The following MGAT4C variants were observed in gnomAD, a reference collection of about 807,000 sequenced individuals.
The protein encoded by MGAT4C is MGAT4 family member C, also known as alpha-1,3-mannosyl-glycoprotein 4-beta-N-acetylglucosaminyltransferase C.
MGAT4C carries 19 observed loss-of-function variants against 40.1 expected under a neutral mutation model. The ratio of observed to expected loss-of-function variants is 0.47; its 90% CI spans 0.33 to 0.70. The LOEUF (loss-of-function observed/expected upper bound fraction) is 0.70, where lower values mean the gene tolerates loss of function less well. Ranked by LOEUF, MGAT4C falls within the 30% of genes least tolerant of loss-of-function variation. MGAT4C has a pLI of 0.02. For missense variants in MGAT4C, 491 were observed against 563.2 expected (o/e 0.87, Z 1.30); for synonymous variants, 181 against 187.1 (o/e 0.97, Z 0.27).
rs1168173775 is a variant in MGAT4C at position 85,974,030 on chromosome 12, G to C, written c.*5259C>G. On this transcript the variant is annotated 3_prime_UTR_variant, in exon 5 of 5. Transcript: ENST00000611864. ...TAGAACTTTGGGAAAGTGCAACCTT[G>C]TTATCTTAATATTTTTATAGCTTAG... 1 of 150,792 alleles carries C rather than the reference G, an allele frequency of 6.6e-6. No individual in the cohort carries two copies. Among genetic ancestry groups the C allele is most frequent in the East Asian group, 1.9e-4 (1 of 5,192 alleles). The allele number at this position is 150,792 out of a possible 1,614,324, so 9.3% of individuals were successfully genotyped here. A position where few individuals can be genotyped will look rare whatever the true frequency, so the allele number is the denominator to read the frequency against.
At chr12:86,388,939 C>G (rs1319132849) in intron 3 of MGAT4C, among the ~76,000 whole-genome samples, 1 of 152,064 alleles carries the variant, frequency 6.6e-6, no homozygotes, top group Non-Finnish European at 1.5e-5. Flanking sequence ...TTGCCTCGGC[C>G]TCCCAAAGTG....
chr12:86,114,558 G>A (rs1228402814), intron 1 of MGAT4C, among the ~76,000 whole-genome samples: 1 of 151,158 alleles, frequency 6.6e-6, no homozygotes, highest in African/African-American at 2.4e-5. Flanking sequence ...TCATTAATTA[G>A]GCATTTATAA....
At chr12:86,343,916 C>T (rs1413866472) in intron 3 of MGAT4C, among the ~76,000 whole-genome samples, 1 of 151,908 alleles carries the variant, frequency 6.6e-6, no homozygotes, top group African/African-American at 2.4e-5. Flanking sequence ...GAGTGCACGC[C>T]TGCTGTTTGG....
intron 2 of MGAT4C, among the ~76,000 whole-genome samples, chr12:86,047,222 A>G (rs1592774451): frequency 6.6e-6 from 1 of 152,188 alleles, no homozygotes; most frequent in East Asian, 1.9e-4. Context: ...AATCACTATA[A>G]TTTTTTCTTC....
intron 1 of MGAT4C, among the ~76,000 whole-genome samples, chr12:86,832,290 A>ATAAT: frequency 6.6e-6 from 1 of 151,936 alleles, no homozygotes; most frequent in South Asian, 2.1e-4. Flanking sequence ...CTTATTCATT[A>ATAAT]TTTCTCTACA....
At chr12:86,257,359 G>A (rs900921733), upstream of MGAT4C, among the ~76,000 whole-genome samples, 2 of 152,144 alleles carry the variant, frequency 1.3e-5, no homozygotes, top group Non-Finnish European at 2.9e-5. Flanking sequence ...GCTGTCAACC[G>A]CATAACTGTG....
chr12:86,657,266 TG>T (rs1963874660), intron 2 of MGAT4C, among the ~76,000 whole-genome samples: 1 of 151,858 alleles, frequency 6.6e-6, no homozygotes, highest in Non-Finnish European at 1.5e-5. Context: ...ACAATGTAAG[TG>T]GGGCAAAAAG....
At position 86,633,913 on chromosome 12, in the gene MGAT4C, G is replaced by GT. The variant is rs913742409; in HGVS notation, c.-229+93295dup. On this transcript the variant is annotated intron_variant, in intron 2 of 7. Coordinates refer to the MGAT4C transcript ENST00000548651. ...GTGTAAATTACTTTATTTTGCTCGA[G>GT]TTTTTTTTTTATTATCGCAATGGGC... 5.3e-4 allele frequency among the ~76,000 whole-genome samples: 79 copies of GT among 148,416 alleles called. 1 individual carries two copies. Among genetic ancestry groups the GT allele is most frequent in the African/African-American group, 9.8e-4 (40 of 40,622 alleles).
chr12:85,999,527 C>T (rs1238926650), intron 2 of MGAT4C, among the ~76,000 whole-genome samples: 1 of 149,954 alleles, frequency 6.7e-6, no homozygotes, highest in Non-Finnish European at 1.5e-5. Flanking sequence ...GATAAGGAAT[C>T]AACAGAAGTG....
intron 1 of MGAT4C, among the ~76,000 whole-genome samples, chr12:86,806,266 G>C (rs1952351235): frequency 6.6e-6 from 1 of 151,874 alleles, no homozygotes; most frequent in African/African-American, 2.4e-5. Flanking sequence ...TAAAATTGTA[G>C]TTTCAAATGC....
chr12:86,102,277 T>C (rs1253431489), intron 1 of MGAT4C, among the ~76,000 whole-genome samples: 1 of 151,898 alleles, frequency 6.6e-6, no homozygotes, highest in African/African-American at 2.4e-5. Context: ...TGAAGATAAA[T>C]TAAAGAGCCA....
At chr12:86,449,750 T>C (rs1004617325) in intron 2 of MGAT4C, among the ~76,000 whole-genome samples, 2 of 152,208 alleles carry the variant, frequency 1.3e-5, no homozygotes, top group African/African-American at 2.4e-5. Flanking sequence ...GTAGTAGCCA[T>C]TTGAGCATTT....
chr12:86,055,449 C>T (rs1893290133), intron 1 of MGAT4C, among the ~76,000 whole-genome samples: 1 of 151,922 alleles, frequency 6.6e-6, no homozygotes, highest in Admixed American at 6.6e-5. Flanking sequence ...TAATGAGAAC[C>T]ACATGAGTAA....
At chr12:86,059,222 T>G (rs1893695408) in intron 1 of MGAT4C, among the ~76,000 whole-genome samples, 1 of 152,118 alleles carries the variant, frequency 6.6e-6, no homozygotes, top group African/African-American at 2.4e-5. Context: ...AATTTTTGTA[T>G]TTTTAGTAGA....
intron 2 of MGAT4C, among the ~76,000 whole-genome samples, chr12:86,035,454 T>C (rs1172372953): frequency 1.3e-5 from 2 of 150,160 alleles, no homozygotes; most frequent in Non-Finnish European, 3.0e-5. Flanking sequence ...TTGTTGAAGT[T>C]ATTTCTAGAT....
intron 4 of MGAT4C, among the ~76,000 whole-genome samples, chr12:86,299,913 T>A (rs1953769564): frequency 6.6e-6 from 1 of 152,184 alleles, no homozygotes; most frequent in African/African-American, 2.4e-5. Context: ...AGACTGGAAA[T>A]AGGCAAAGAA....
intron 1 of MGAT4C, among the ~76,000 whole-genome samples, chr12:86,136,448 T>C (rs184086601): frequency 6.6e-6 from 1 of 152,096 alleles, no homozygotes; most frequent in African/African-American, 2.4e-5. Context: ...ATATTTTAGA[T>C]AGAGTGGTTA....
intron 1 of MGAT4C, among the ~76,000 whole-genome samples, chr12:86,242,856 T>A (rs1191065185): frequency 6.6e-6 from 1 of 152,058 alleles, no homozygotes; most frequent in African/African-American, 2.4e-5. Context: ...CTAATGGCTC[T>A]TCAGAACTTT....
In MGAT4C at chr12:86,771,716, GTGTGTGTA is replaced by G. The variant is rs1303610929; in HGVS notation, c.-261-44483_-261-44476del. ...TGTGTGTGTGTGTGTGTGTGTGTGT[GTGTGTGTA>G]TGTGTGTGTGTATGAATATTGGTAG... On this transcript the variant is annotated intron_variant, in intron 1 of 7. Coordinates refer to the MGAT4C transcript ENST00000548651. 3.4e-3 allele frequency among the ~76,000 whole-genome samples: 502 copies of G among 149,580 alleles called. 7 individuals carry two copies. Among genetic ancestry groups the G allele is most frequent in the African/African-American group, 0.012 (481 of 40,062 alleles).
Sources: allele counts gnomAD v4.1 joint callset (sites outside exome capture counted in the v4.1 genomes callset), GRCh38; gene constraint gnomAD v4.1.1; transcripts MANE v1.5; gene names NCBI Gene and HGNC (gene_info 2026-07-23, HGNC 2026-07-21).